Variants in SESN3 observed in about 807,000 individuals in gnomAD.
SESN3 encodes the protein sestrin-3.
A neutral mutation model predicts 55.3 loss-of-function variants in SESN3; 21 were observed. The observed-to-expected ratio is 0.38, with a 90% confidence interval of 0.27 to 0.55. The LOEUF is 0.55. Among genes scored for constraint, SESN3 ranks in the 20% least tolerant of loss-of-function variants. The pLI is 0.76. For missense variants in SESN3, 408 were observed against 604.3 expected, an observed-to-expected ratio of 0.68 and a Z score of 3.41; for synonymous variants, 181 against 203.1, an observed-to-expected ratio of 0.89 and a Z score of 0.93.
Position 95,206,082 on chromosome 11 carries a change from C to T in SESN3, c.79-12560G>A, listed in dbSNP as rs755014623. Among the ~76,000 whole-genome samples, 47 of 152,078 alleles carry T rather than the reference C, an allele frequency of 3.1e-4. 1 individual carries two copies. Among genetic ancestry groups the T allele is most frequent in the South Asian group, 1.2e-3 (6 of 4,810 alleles). On this transcript the variant is annotated intron_variant, in intron 1 of 9. Transcript: ENST00000536441. ...CATTCAAACCCACAGCGAGTTTTCCCGTCTTCCAGATTCCCATTTATATGA... is the reference window on the plus strand; with the variant it reads ...CATTCAAACCCACAGCGAGTTTTCCTGTCTTCCAGATTCCCATTTATATGA...
At chr11:95,190,999 T>C (rs1395343797) in intron 3 of SESN3, among the ~76,000 whole-genome samples, 1 of 152,046 alleles carries the variant, frequency 6.6e-6, no homozygotes, top group Non-Finnish European at 1.5e-5. Flanking sequence ...TGCTGACTGA[T>C]ACTTTCCTCT....
Position 95,172,120 on chromosome 11 carries a change from C to G in SESN3, c.*1135G>C, listed in dbSNP as rs527932685. On this transcript the variant is annotated 3_prime_UTR_variant, in exon 10 of 10. Coordinates refer to ENST00000536441, the MANE Select transcript of SESN3 (RefSeq NM_144665.4). The stretch of plus-strand genomic sequence containing the variant: ...AAAGGACACTTTTGCAGTGATATGA[C>G]AGGGGGAAAGTTTAGTTGAGTATTT... The G allele has an allele frequency of 3.3e-5, 5 of 152,150 alleles. No homozygotes were observed. The highest frequency in any genetic ancestry group is 1.2e-4 in the African/African-American group (5 of 41,510). 9.4% of individuals were successfully genotyped at this position (152,150 alleles called of 1,614,324 possible).
rs186984974 is a variant in SESN3 at position 95,215,955 on chromosome 11, G to A, written c.78+14828C>T. On this transcript the variant is annotated intron_variant, in intron 1 of 9. Coordinates refer to ENST00000536441, the MANE Select transcript of SESN3 (RefSeq NM_144665.4). ...CTACTAAAAATACAAAAAATTAGCCGGGCATGGTGGTGGGCGCCTGTAGTC... is the reference window on the plus strand; with the variant it reads ...CTACTAAAAATACAAAAAATTAGCCAGGCATGGTGGTGGGCGCCTGTAGTC... Among the ~76,000 whole-genome samples, 446 of 151,946 alleles carry A rather than the reference G, an allele frequency of 2.9e-3. 4 individuals carry two copies. Among genetic ancestry groups the A allele is most frequent in the African/African-American group, 9.9e-3 (410 of 41,446 alleles).
intron 1 of SESN3, among the ~76,000 whole-genome samples, chr11:95,218,329 A>T (rs12808350): frequency 0.28 from 42,498 of 152,176 alleles, 6,341 homozygotes; most frequent in Admixed American, 0.32. Context: ...AAGATCTCTA[A>T]GAGACCCAGG....
At chr11:95,179,267 G>A (rs1194489010) in intron 6 of SESN3, among the ~76,000 whole-genome samples, 2 of 151,766 alleles carry the variant, frequency 1.3e-5, no homozygotes, top group Non-Finnish European at 2.9e-5. Context: ...CGATTCTTCT[G>A]CCTCAGCCTC....
chr11:95,209,487 G>A (rs1277503606), intron 1 of SESN3, among the ~76,000 whole-genome samples: 1 of 151,422 alleles, frequency 6.6e-6, no homozygotes, highest in East Asian at 1.9e-4. Context: ...GGAAGACCGT[G>A]TGGCGATTCC....
chr11:95,178,889 C>T (rs1205217676), intron 6 of SESN3, 61 bp from the exon 7 acceptor site: 39 of 931,012 alleles, frequency 4.2e-5, no homozygotes, highest in South Asian at 6.4e-5. Flanking sequence ...GACAATAAAA[C>T]GGAACTCCAT....
chr11:95,219,226 C>T (rs971895105), intron 1 of SESN3, among the ~76,000 whole-genome samples: 3 of 152,100 alleles, frequency 2.0e-5, no homozygotes, highest in African/African-American at 7.2e-5. Context: ...TTTCAAGTAA[C>T]GTACAAAACA....
chr11:95,198,574 T>C, intron 1 of SESN3, among the ~76,000 whole-genome samples: 1 of 152,204 alleles, frequency 6.6e-6, no homozygotes, highest in East Asian at 1.9e-4. Context: ...ATCTAGTGAA[T>C]CTTATACAAT....
At chr11:95,206,342 C>T (rs1860545445) in intron 1 of SESN3, among the ~76,000 whole-genome samples, 1 of 149,170 alleles carries the variant, frequency 6.7e-6, no homozygotes, top group South Asian at 2.1e-4. Flanking sequence ...TTTTGGCATC[C>T]TGGATTTATG....
At chr11:95,228,160 T>C (rs1463567671) in intron 1 of SESN3, among the ~76,000 whole-genome samples, 1 of 152,202 alleles carries the variant, frequency 6.6e-6, no homozygotes, top group Admixed American at 6.5e-5. Flanking sequence ...TCTCATACAA[T>C]ATATAATTCA....
intron 1 of SESN3, among the ~76,000 whole-genome samples, chr11:95,207,257 C>T (rs11021075): frequency 0.3 from 45,698 of 150,446 alleles, 8,202 homozygotes; most frequent in Non-Finnish European, 0.36. Context: ...ACAGAAAGTA[C>T]AAAAACTGCC....
rs910664812 is a variant in SESN3, at chr11:95,177,782, T to G, written c.1184A>C (p.Asp395Ala). Residue 395 changes from aspartate to alanine, a missense_variant, in exon 8 of 10, where the codon GAT becomes GCT. Asp to Ala is a moderately radical substitution (Grantham distance 126, BLOSUM62 -2). Coordinates refer to ENST00000536441, the MANE Select transcript of SESN3 (RefSeq NM_144665.4). The stretch of plus-strand genomic sequence containing the variant: ...TCTGCGCAGCATGGTTGTGTCAACA[T>G]CCTCATGGGTGGCCATAGTGTTATA... ...LTYNTMATHE[D>A]VDTTMLRRAL... 5.0e-6 allele frequency: 8 copies of G among 1,611,498 alleles called. No individual in the cohort carries two copies. Among genetic ancestry groups the G allele is most frequent in the African/African-American group, 1.3e-5 (1 of 74,644 alleles).
chr11:95,212,232 T>A (rs1443562274), intron 1 of SESN3, among the ~76,000 whole-genome samples: 2 of 152,164 alleles, frequency 1.3e-5, no homozygotes, highest in Admixed American at 6.5e-5. Context: ...TTATCCATGC[T>A]TTCACAAGTG....
Position 95,167,897 on chromosome 11 carries a change from C to T in SESN3, c.*5358G>A, listed in dbSNP as rs575665468. 4 of 152,176 alleles carry T rather than the reference C, an allele frequency of 2.6e-5. No individual in the cohort carries two copies. Among genetic ancestry groups the T allele is most frequent in the African/African-American group, 7.2e-5 (3 of 41,516 alleles). 9.4% of individuals were successfully genotyped at this position (152,176 alleles called of 1,614,324 possible). A position where few individuals can be genotyped will look rare whatever the true frequency, so the allele number is the denominator to read the frequency against. On this transcript the variant is annotated 3_prime_UTR_variant, in exon 10 of 10. Coordinates refer to ENST00000536441, the MANE Select transcript of SESN3 (RefSeq NM_144665.4). ...ATTTCCTCTTCCTTCTGGATATACC[C>T]GAAGTGCGGCTAGGAGAATAAAGAC...
At chr11:95,207,128 C>T (rs1251329411) in intron 1 of SESN3, among the ~76,000 whole-genome samples, 1 of 149,386 alleles carries the variant, frequency 6.7e-6, no homozygotes, top group East Asian at 2.0e-4. Flanking sequence ...ACACCAGAGG[C>T]CTGCACTAGG....
Position 95,230,429 on chromosome 11 carries a change from G to A in SESN3, c.78+354C>T, listed in dbSNP as rs1861033463. On this transcript the variant is annotated intron_variant, in intron 1 of 9. Transcript: ENST00000536441. This position sits in a 1 kb window ranked among gnomAD's most constrained non-coding sequence, Gnocchi z 4.6. ...ACCGACCTCCATCAACAGCTAAACT[G>A]CACAGGGAGGAGGATCGAACGGATC... 7.9e-6 allele frequency: 2 copies of A among 251,828 alleles called. No individual in the cohort carries two copies. Among genetic ancestry groups the A allele is most frequent in the Non-Finnish European group, 7.7e-6 (1 of 129,908 alleles). The allele number at this position is 251,828 out of a possible 1,614,324, so 15.6% of individuals were successfully genotyped here.
At position 95,199,220 on chromosome 11, in the gene SESN3, A is replaced by C. The variant is rs138779082; in HGVS notation, c.79-5698T>G. ...ATTTTTCATGAAATCCTATAATTTT[A>C]ATCAAGAAAAAAACTAGTTATAAAA... On this transcript the variant is annotated intron_variant, in intron 1 of 9. Transcript: ENST00000536441. 3.3e-5 allele frequency among the ~76,000 whole-genome samples: 5 copies of C among 152,212 alleles called. No individual in the cohort carries two copies. In the East Asian group the frequency reaches 9.6e-4, roughly 29 times the overall value.
intron 1 of SESN3, among the ~76,000 whole-genome samples, chr11:95,205,725 A>C (rs946947070): frequency 1.3e-5 from 2 of 152,164 alleles, no homozygotes; most frequent in East Asian, 1.9e-4. Flanking sequence ...TCATTATTTT[A>C]ATTTGCATTT....
Sources: gnomAD v4.1 joint callset for allele counts (sites outside exome capture counted in the v4.1 genomes callset) on GRCh38, gnomAD v4.1.1 for gene constraint, Gnocchi (gnomAD v3.1) non-coding constraint, MANE v1.5 for transcripts, NCBI Gene and HGNC (gene_info 2026-07-23, HGNC 2026-07-21) for gene names.